KIF1A: variants seen among roughly 807,000 people sequenced by gnomAD.
KIF1A encodes kinesin-like protein KIF1A.
KIF1A carries 46 observed loss-of-function variants against 227.3 expected under a neutral mutation model. The observed-to-expected ratio is 0.20, with a 90% CI of 0.16 to 0.26. KIF1A has a LOEUF of 0.26. Ranked by LOEUF, KIF1A falls within the 10% of genes least tolerant of loss-of-function variation. The pLI is 1.00. For synonymous variants in KIF1A, 1,022 were observed against 1,012.8 expected (o/e 1.01, Z -0.17); for missense variants, 1,683 against 2,485.9 (o/e 0.68, Z 6.87).
intron 1 of KIF1A, among the ~76,000 whole-genome samples, chr2:240,809,336 C>T (rs572310725): frequency 2.0e-5 from 3 of 152,256 alleles, no homozygotes; most frequent in East Asian, 3.9e-4. Context: ...CCTATGATCT[C>T]GAGCCTTGGT....
intron 1 of KIF1A, among the ~76,000 whole-genome samples, chr2:240,818,363 G>T (rs970448713): frequency 3.3e-5 from 5 of 152,108 alleles, no homozygotes; most frequent in African/African-American, 1.2e-4. Flanking sequence ...CGGCCTTACC[G>T]CATCCCTCCT....
chr2:240,774,083 G>T, intron 12 of KIF1A, 100 bp downstream of exon 12: 1 of 706,434 alleles, frequency 1.4e-6, no homozygotes. Context: ...CTCACAAAGA[G>T]TCGCCCCTGG....
Position 240,789,702 on chromosome 2 carries a change from C to T in KIF1A, c.107-390G>A, listed in dbSNP as rs1382987211. ...GCCCTGCCCCGCCCCCTGCTCAGGC[C>T]TTTATGCTCCGGCTCAGCGTGCACG... On this transcript the variant is annotated intron_variant, in intron 2 of 48. Coordinates refer to ENST00000498729, the MANE Select transcript of KIF1A (RefSeq NM_001244008.2). This position sits in a 1 kb window ranked among gnomAD's most constrained non-coding sequence, Gnocchi z 4.8. Among the ~76,000 whole-genome samples the T allele has an allele frequency of 6.6e-6, 1 of 152,206 alleles. No individual in the cohort carries two copies. Among genetic ancestry groups the T allele is most frequent in the Non-Finnish European group, 1.5e-5 (1 of 68,028 alleles).
At chr2:240,795,108 T>C (rs1456863610) in intron 2 of KIF1A, among the ~76,000 whole-genome samples, 1 of 152,168 alleles carries the variant, frequency 6.6e-6, no homozygotes, top group Non-Finnish European at 1.5e-5. Context: ...GTCTTGCATA[T>C]GTTCATCTTT....
intron 6 of KIF1A, among the ~76,000 whole-genome samples, chr2:240,785,920 AAGGAGCC>A (rs1453036752): frequency 6.6e-6 from 1 of 152,154 alleles, no homozygotes; most frequent in Non-Finnish European, 1.5e-5. Context: ...AGCAGAGGCC[AAGGAGCC>A]AGGTTGCTTA....
chr2:240,719,270 C>T, intron 46 of KIF1A, 72 bp from the exon 47 acceptor site: 1 of 1,503,280 alleles, frequency 6.7e-7, no homozygotes. Flanking sequence ...TCACCATCTA[C>T]CACCCAGAGC....
rs564420269 is a variant in KIF1A, at chr2:240,783,939, C to T, written c.721-123G>A. 1.6e-4 allele frequency: 119 copies of T among 731,796 alleles called. 1 individual carries two copies. Among genetic ancestry groups the T allele is most frequent in the South Asian group, 1.6e-3 (99 of 62,140 alleles). 45.3% of individuals were successfully genotyped at this position (731,796 alleles called of 1,614,324 possible). A position where few individuals can be genotyped will look rare whatever the true frequency, so the allele number is the denominator to read the frequency against. The stretch of plus-strand genomic sequence containing the variant: ...CTGGCCAAGCGTCCCCTCTGCAAGG[C>T]GCCGCCCCTCCCCAGGCCCAGCAGT... On this transcript the variant is annotated intron_variant, in intron 7 of 48. Transcript: ENST00000498729.
chr2:240,724,015 G>A lies in KIF1A; in HGVS notation c.4278C>T (p.Tyr1426=), dbSNP rs572662012. Residue 1426 remains tyrosine, a synonymous_variant, in exon 41 of 49, where the codon TAC becomes TAT. Transcript: ENST00000498729. ...CAGCCACGTGGCACAGGCTGAGCTC[G>A]TACACACCAGTCACACGGTTACTGT... ...ASESNRVTGV[Y]ELSLCHVADA... 27 of 1,612,554 alleles carry A rather than the reference G, an allele frequency of 1.7e-5. No homozygotes were observed. The highest frequency in any genetic ancestry group is 6.7e-5 in the East Asian group (3 of 44,890).
In KIF1A at chr2:240,722,608, C is replaced by A; in HGVS notation, c.4513G>T (p.Ala1505Ser). The A allele has an allele frequency of 6.4e-7, 1 of 1,563,634 alleles. No individual in the cohort carries two copies. The highest frequency in any genetic ancestry group is 8.7e-7 in the Non-Finnish European group (1 of 1,153,576). The part of the protein sequence containing the change: ...YLLLREKLET[A>S]QRPVPEALSP... ...AGTGCCTCCGGGACAGGCCGCTGGG[C>A]GGTCTCCAGCTTCTCCCGCAGGAGC... is the stretch of plus-strand genomic sequence containing the variant. Residue 1505 changes from alanine to serine, a missense_variant, in exon 43 of 49, where the codon GCC becomes TCC. Physicochemically the swap from Ala to Ser is moderately conservative, Grantham distance 99. Coordinates refer to ENST00000498729, the MANE Select transcript of KIF1A (RefSeq NM_001244008.2).
chr2:240,756,761 C>A (rs931427673), intron 27 of KIF1A, among the ~76,000 whole-genome samples: 7 of 152,216 alleles, frequency 4.6e-5, no homozygotes, highest in Non-Finnish European at 8.8e-5. Flanking sequence ...AGCTCCTTTC[C>A]CCAAAGAGAG....
intron 7 of KIF1A, among the ~76,000 whole-genome samples, chr2:240,784,478 C>T (rs746869938): frequency 2.6e-5 from 4 of 152,228 alleles, no homozygotes; most frequent in African/African-American, 7.2e-5. Flanking sequence ...CCTGAGCCCC[C>T]GCTCACTGTT....
chr2:240,722,072 G>A (rs1034024492), intron 43 of KIF1A, among the ~76,000 whole-genome samples, 188 bp from the exon 44 acceptor site: 1 of 152,202 alleles, frequency 6.6e-6, no homozygotes, highest in African/African-American at 2.4e-5. Context: ...GTCTCCCAGG[G>A]TCAGGCACCG....
rs774262411 is a variant in KIF1A at position 240,797,780 on chromosome 2, G to A, written c.-28C>T. The A allele has an allele frequency of 6.3e-5, 91 of 1,434,026 alleles. No individual in the cohort carries two copies. The highest frequency in any genetic ancestry group is 8.2e-5 in the Non-Finnish European group (84 of 1,027,032). 88.8% of individuals were successfully genotyped at this position (1,434,026 alleles called of 1,614,324 possible). ...CTGTGGCCTTCGTGGGTCACTCCTC[G>A]CAGTAGTGGGAGCCCCAGTGTGGGG... On this transcript the variant is annotated 5_prime_UTR_variant, in exon 2 of 49. Transcript: ENST00000498729.
chr2:240,758,534 C>T lies in KIF1A; in HGVS notation c.2445-37G>A, dbSNP rs2050136233. ...GCAGGGGTCAATGTGGACCCAGGCC[C>T]AGCGCTCAGCAGCTGGCACCGCACA... On this transcript the variant is annotated intron_variant, in intron 25 of 48. Transcript: ENST00000498729. The surrounding 1 kb of genome is among the most constrained non-coding windows in gnomAD (Gnocchi z 5.2). 1.3e-6 allele frequency: 2 copies of T among 1,503,738 alleles called. No homozygotes were observed. The highest frequency in any genetic ancestry group is 2.4e-5 in the East Asian group (1 of 41,512). The allele number at this position is 1,503,738 out of a possible 1,614,324, so 93.1% of individuals were successfully genotyped here. A position where few individuals can be genotyped will look rare whatever the true frequency, so the allele number is the denominator to read the frequency against.
In KIF1A at chr2:240,717,343, C is replaced by T. The variant is rs1343410937; in HGVS notation, c.*21G>A. ...GGAGGGGATGGGCTGGGCCTGCCGG[C>T]TGTCACGGGAGGGCTCAGGTTCAGA... On this transcript the variant is annotated 3_prime_UTR_variant, in exon 49 of 49. Transcript: ENST00000498729. 1.9e-6 allele frequency: 3 copies of T among 1,607,748 alleles called. No individual in the cohort carries two copies. The highest frequency in any genetic ancestry group is 2.2e-5 in the South Asian group (2 of 90,930).
chr2:240,765,593 G>A, intron 20 of KIF1A, 117 bp downstream of exon 20: 1 of 783,158 alleles, frequency 1.3e-6, no homozygotes, highest in Non-Finnish European at 2.1e-6. Context: ...CTGCCCAGCG[G>A]CCCTTAAGAG....
At chr2:240,719,751 CT>C in intron 46 of KIF1A, 22 bp downstream of exon 46, 1 of 1,529,312 alleles carries the variant, frequency 6.5e-7, no homozygotes, top group South Asian at 1.3e-5. Context: ...GGTGGCGGTG[CT>C]TTCCAGGGAG....
chr2:240,812,208 C>T (rs530388861), intron 1 of KIF1A, among the ~76,000 whole-genome samples: 1 of 152,334 alleles, frequency 6.6e-6, no homozygotes, highest in African/African-American at 2.4e-5. Context: ...GTTCCTGCCT[C>T]ACCCTGGGGT....
chr2:240,798,258 C>T (rs1421350521), intron 1 of KIF1A, among the ~76,000 whole-genome samples: 3 of 152,252 alleles, frequency 2.0e-5, no homozygotes, highest in Admixed American at 6.5e-5. Flanking sequence ...CCCATCACAC[C>T]CTTCACACCA....
Sources: gnomAD v4.1 joint callset for allele counts (sites outside exome capture counted in the v4.1 genomes callset) on GRCh38, gnomAD v4.1.1 for gene constraint, Gnocchi (gnomAD v3.1) non-coding constraint, MANE v1.5 for transcripts, NCBI Gene and HGNC (gene_info 2026-07-23, HGNC 2026-07-21) for gene names.